Variants in RIGI observed in about 807,000 individuals in gnomAD.
RIGI encodes the protein RNA sensor RIG-I, also known as antiviral innate immune response receptor RIG-I.
chr9:32,461,420 T>C, the RIGI span, among the ~76,000 whole-genome samples: 1,340 of 152,324 alleles, frequency 8.8e-3, 21 homozygotes, highest in African/African-American at 0.026. Flanking sequence ...CACTGGTTTA[T>C]GGTTTATGGT....
At chr9:32,501,774 A>C in the RIGI span, among the ~76,000 whole-genome samples, 1 of 152,218 alleles carries the variant, frequency 6.6e-6, no homozygotes, top group African/African-American at 2.4e-5. Context: ...GATTAGAAGA[A>C]GACCTAGCAC....
At chr9:32,521,806 T>C in the RIGI span, among the ~76,000 whole-genome samples, 12 of 152,242 alleles carry the variant, frequency 7.9e-5, no homozygotes, top group South Asian at 2.5e-3. Flanking sequence ...ATATATGGTG[T>C]CAGTAATGAT....
chr9:32,485,380 G>C, the RIGI span: 1 of 809,178 alleles, frequency 1.2e-6, no homozygotes, highest in Non-Finnish European at 2.0e-6. Context: ...ACCTTTCTCT[G>C]CCTTTGATAC....
At chr9:32,492,319 T>G in the RIGI span, 1 of 1,557,244 alleles carries the variant, frequency 6.4e-7, no homozygotes, top group Non-Finnish European at 8.8e-7. Flanking sequence ...AAAACGCCTC[T>G]GATGGGATGT....
chr9:32,525,963 G>A, the RIGI span: 6 of 958,752 alleles, frequency 6.3e-6, no homozygotes, highest in Non-Finnish European at 9.9e-6. Flanking sequence ...TGGGGAGTCT[G>A]GCAGGCTCTC....
chr9:32,459,534 C>A, the RIGI span: 1 of 1,598,626 alleles, frequency 6.3e-7, no homozygotes, highest in East Asian at 2.2e-5. Context: ...AAAGAAAGAC[C>A]GCAAATGTAA....
chr9:32,502,921 T>C, the RIGI span, among the ~76,000 whole-genome samples: 1 of 152,222 alleles, frequency 6.6e-6, no homozygotes, highest in African/African-American at 2.4e-5. Context: ...TATGACCTCA[T>C]CGTAACTAAT....
At chr9:32,518,371 T>A in the RIGI span, among the ~76,000 whole-genome samples, 1 of 147,530 alleles carries the variant, frequency 6.8e-6, no homozygotes, top group African/African-American at 2.5e-5. Context: ...TGTCCTAAAG[T>A]AAAATGACTG....
At chr9:32,495,817 G>A in the RIGI span, among the ~76,000 whole-genome samples, 6 of 151,836 alleles carry the variant, frequency 4.0e-5, no homozygotes, top group African/African-American at 9.7e-5. Flanking sequence ...GTGACACCAC[G>A]CCCAGCTATG....
At chr9:32,487,389 T>C in the RIGI span, 2 of 1,338,084 alleles carry the variant, frequency 1.5e-6, no homozygotes, top group South Asian at 2.7e-5. Flanking sequence ...GGGTCAAAGT[T>C]CAGTATTCGT....
At chr9:32,511,263 C>T in the RIGI span, among the ~76,000 whole-genome samples, 4 of 152,132 alleles carry the variant, frequency 2.6e-5, no homozygotes, top group African/African-American at 9.7e-5. Context: ...AACTCTCCAC[C>T]CCAGATGAAT....
chr9:32,467,409 G>C, the RIGI span, among the ~76,000 whole-genome samples: 8 of 152,292 alleles, frequency 5.3e-5, no homozygotes, highest in South Asian at 1.7e-3. Context: ...AGGTGGGGCA[G>C]AACAACTCTG....
the RIGI span, chr9:32,491,367 T>G: frequency 6.2e-7 from 1 of 1,613,124 alleles, no homozygotes; most frequent in Admixed American, 1.7e-5. Context: ...AAAATCTGTA[T>G]GTCAGAAGTT....
the RIGI span, among the ~76,000 whole-genome samples, chr9:32,514,716 A>C: frequency 6.6e-6 from 1 of 152,220 alleles, no homozygotes; most frequent in Admixed American, 6.5e-5. Context: ...CCAGAACTTA[A>C]AGTATAATTT....
At chr9:32,515,051 A>G in the RIGI span, among the ~76,000 whole-genome samples, 16 of 152,174 alleles carry the variant, frequency 1.1e-4, no homozygotes, top group South Asian at 2.1e-4. Context: ...GTTACATTAG[A>G]GTTGCAGAGA....
the RIGI span, among the ~76,000 whole-genome samples, chr9:32,507,049 A>C: frequency 6.6e-6 from 1 of 152,204 alleles, no homozygotes; most frequent in Non-Finnish European, 1.5e-5. Context: ...AATTCTGTGA[A>C]AATTTTTTTA....
chr9:32,488,694 A>C, the RIGI span: 1 of 1,490,628 alleles, frequency 6.7e-7, no homozygotes, highest in East Asian at 2.4e-5. Flanking sequence ...CAATTACATG[A>C]AGCTGGAGAA....
chr9:32,478,381 G>A, the RIGI span, among the ~76,000 whole-genome samples: 1 of 151,658 alleles, frequency 6.6e-6, no homozygotes, highest in African/African-American at 2.4e-5. Flanking sequence ...AATTATCTAC[G>A]CTTTTGAGGT....
the RIGI span, among the ~76,000 whole-genome samples, chr9:32,522,908 C>T: frequency 6.6e-6 from 1 of 152,116 alleles, no homozygotes; most frequent in African/African-American, 2.4e-5. Flanking sequence ...AAAGCTGAAA[C>T]TTATATTTGT....
Sources: gnomAD v4.1 joint callset for allele counts (sites outside exome capture counted in the v4.1 genomes callset) on GRCh38, gnomAD v4.1.1 for gene constraint, MANE v1.5 for transcripts, NCBI Gene and HGNC (gene_info 2026-07-23, HGNC 2026-07-21) for gene names.